The following JCHAIN variants were observed in gnomAD, a reference collection of about 807,000 sequenced individuals.
The protein encoded by JCHAIN is joining chain of multimeric IgA and IgM.
Under a neutral mutation model 11.1 loss-of-function variants are expected in JCHAIN, and 5 were observed. The ratio of observed to expected loss-of-function variants is 0.45; its 90% CI spans 0.24 to 0.95. The LOEUF (loss-of-function observed/expected upper bound fraction) is 0.95. Among genes scored for constraint, JCHAIN ranks in the 40% least tolerant of loss-of-function variants. JCHAIN has a pLI of 0.21. For missense variants in JCHAIN, 165 were observed against 192.7 expected (o/e 0.86, Z 0.85); for synonymous variants, 51 against 67.8 (o/e 0.75, Z 1.22).
At chr4:70,663,369 T>A (rs1175357761) in intron 1 of JCHAIN, 2 of 151,994 alleles carry the variant, frequency 1.3e-5, no homozygotes, top group Non-Finnish European at 2.9e-5. Context: ...TCTTTGTATT[T>A]TTTTTTAGCA....
At chr4:70,656,698 A>G (rs1480355458) in intron 3 of JCHAIN, among the ~76,000 whole-genome samples, 159 bp from the exon 4 acceptor site, 1 of 152,208 alleles carries the variant, frequency 6.6e-6, no homozygotes, top group Non-Finnish European at 1.5e-5. Flanking sequence ...AGAATAGCTT[A>G]TGGGATTTTC....
At chr4:70,666,266 A>T (rs991863788) in intron 1 of JCHAIN, among the ~76,000 whole-genome samples, 161 bp downstream of exon 1, 1 of 152,232 alleles carries the variant, frequency 6.6e-6, no homozygotes, top group African/African-American at 2.4e-5. Context: ...AAAGAGTCTT[A>T]TCTATGTAAA....
At chr4:70,663,045 ATAT>A (rs1235304827) in intron 1 of JCHAIN, among the ~76,000 whole-genome samples, 1 of 152,222 alleles carries the variant, frequency 6.6e-6, no homozygotes, top group African/African-American at 2.4e-5. Flanking sequence ...CAATTTAGAA[ATAT>A]TATGAGGTAC....
chr4:70,661,656 G>A (rs1323438489), intron 2 of JCHAIN, among the ~76,000 whole-genome samples: 5 of 152,122 alleles, frequency 3.3e-5, no homozygotes, highest in Admixed American at 3.3e-4. Context: ...CAGGTGTGGG[G>A]TGGTGCATGC....
chr4:70,665,446 A>G (rs1468522425), intron 1 of JCHAIN, among the ~76,000 whole-genome samples: 1 of 152,140 alleles, frequency 6.6e-6, no homozygotes, highest in East Asian at 1.9e-4. Context: ...CCAACTTACC[A>G]TGGTTCTACT....
intron 3 of JCHAIN, 56 bp from the exon 4 acceptor site, chr4:70,656,595 A>T: frequency 7.6e-7 from 1 of 1,307,584 alleles, no homozygotes; most frequent in Non-Finnish European, 1.1e-6. Flanking sequence ...TCAAAATGTG[A>T]CTACACATTT....
chr4:70,657,583 A>T (rs1037866402), intron 2 of JCHAIN, among the ~76,000 whole-genome samples: 4 of 152,174 alleles, frequency 2.6e-5, no homozygotes, highest in Non-Finnish European at 5.9e-5. Flanking sequence ...TGTAATAATT[A>T]TATTGATGTT....
chr4:70,662,823 G>C (rs1739087666), intron 1 of JCHAIN, among the ~76,000 whole-genome samples: 1 of 152,014 alleles, frequency 6.6e-6, no homozygotes, highest in African/African-American at 2.4e-5. Flanking sequence ...GCCGGGCATG[G>C]TGGTGCATGC....
chr4:70,662,190 A>G lies in JCHAIN; in HGVS notation c.90T>C (p.Leu30=). The G allele has an allele frequency of 6.2e-7, 1 of 1,613,738 alleles. No homozygotes were observed. Among genetic ancestry groups the G allele is most frequent in the Non-Finnish European group, 8.5e-7 (1 of 1,179,622 alleles). Residue 30 remains leucine, a synonymous_variant, in exon 2 of 4, where the codon CTT becomes CTC. Coordinates refer to ENST00000254801, the MANE Select transcript of JCHAIN (RefSeq NM_144646.4). ...GGGCACACTTACATTTGTTGTCAAC[A>G]AGAACAATCCTTTCATCTTCTTGGG... is the stretch of plus-strand genomic sequence containing the variant. ...VKAQEDERIV[L]VDNKCKCARI... is the part of the protein sequence containing the mutation.
intron 1 of JCHAIN, among the ~76,000 whole-genome samples, chr4:70,663,800 A>AT (rs1187696220): frequency 6.6e-6 from 1 of 151,058 alleles, no homozygotes; most frequent in Non-Finnish European, 1.5e-5. Flanking sequence ...ACCTCAGGTG[A>AT]TCCACCCTCC....
intron 1 of JCHAIN, among the ~76,000 whole-genome samples, chr4:70,665,459 T>C (rs569839294): frequency 2.0e-5 from 3 of 152,310 alleles, no homozygotes; most frequent in South Asian, 2.1e-4. Flanking sequence ...GTTCTACTTA[T>C]GATTTTTCTA....
chr4:70,661,089 T>G (rs747547744), intron 2 of JCHAIN, among the ~76,000 whole-genome samples: 2 of 152,184 alleles, frequency 1.3e-5, no homozygotes, highest in Admixed American at 1.3e-4. Flanking sequence ...CTTAAACACA[T>G]TATACTTTTT....
chr4:70,664,161 A>C (rs1000618997), intron 1 of JCHAIN: 2 of 152,026 alleles, frequency 1.3e-5, no homozygotes, highest in Non-Finnish European at 2.9e-5. Context: ...TGGGAGGTGG[A>C]GGTTGCAGTG....
intron 1 of JCHAIN, among the ~76,000 whole-genome samples, chr4:70,665,692 G>T (rs1361442897): frequency 2.0e-5 from 3 of 151,688 alleles, no homozygotes; most frequent in African/African-American, 4.8e-5. Context: ...TAAATCATTA[G>T]AAAGTTATTC....
chr4:70,662,156 A>T lies in JCHAIN; in HGVS notation c.124T>A (p.Ser42Thr), dbSNP rs1165254910. 2 of 1,612,840 alleles carry T rather than the reference A, an allele frequency of 1.2e-6. No individual in the cohort carries two copies. The highest frequency in any genetic ancestry group is 1.3e-5 in the African/African-American group (1 of 74,916). The change falls in exon 2 of 4, where the codon TCC becomes ACC. Residue 42 changes from serine to threonine, a missense_variant. By Grantham distance (58) the Ser-to-Thr change is moderately conservative. Coordinates refer to ENST00000254801, the MANE Select transcript of JCHAIN (RefSeq NM_144646.4). ...TCTTCGGAAGAACGGATGATCCTGG[A>T]AGTAATCCGGGCACACTTACATTTG... The part of the protein sequence containing the change: ...DNKCKCARIT[S>T]RIIRSSEDPN...
intron 2 of JCHAIN, among the ~76,000 whole-genome samples, chr4:70,661,633 A>C (rs1416491418): frequency 2.0e-5 from 3 of 152,094 alleles, no homozygotes; most frequent in Non-Finnish European, 4.4e-5. Flanking sequence ...CTAAAGAAAA[A>C]TAAAAAATTA....
intron 2 of JCHAIN, among the ~76,000 whole-genome samples, chr4:70,659,359 G>C (rs1191300796): frequency 6.6e-6 from 1 of 151,396 alleles, no homozygotes; most frequent in East Asian, 2.0e-4. Context: ...AGCCCAGCTT[G>C]GCCAACATGA....
chr4:70,664,740 G>A (rs1276828176), intron 1 of JCHAIN, among the ~76,000 whole-genome samples: 2 of 152,142 alleles, frequency 1.3e-5, no homozygotes, highest in Admixed American at 6.5e-5. Flanking sequence ...AAATATAAAT[G>A]AGCACATAAT....
At chr4:70,661,414 T>C (rs2148528486) in intron 2 of JCHAIN, among the ~76,000 whole-genome samples, 1 of 152,320 alleles carries the variant, frequency 6.6e-6, no homozygotes, top group East Asian at 1.9e-4. Context: ...CAGTTATCTA[T>C]ATATGGTACA....
Sources: gnomAD v4.1 joint callset for allele counts (sites outside exome capture counted in the v4.1 genomes callset) on GRCh38, gnomAD v4.1.1 for gene constraint, MANE v1.5 for transcripts, NCBI Gene and HGNC (gene_info 2026-07-23, HGNC 2026-07-21) for gene names.